TMC5: variants seen among roughly 807,000 people sequenced by gnomAD.
TMC5 encodes the protein transmembrane channel like 5.
Under a neutral mutation model 110.5 loss-of-function variants are expected in TMC5, and 86 were observed. The observed-to-expected ratio is 0.78, with a 90% CI of 0.65 to 0.93. TMC5 has a LOEUF of 0.93. TMC5 is among the 40% of genes least tolerant of loss of function. The pLI, the probability that TMC5 is intolerant of heterozygous loss-of-function variation, is 0.00. For missense variants in TMC5, 1,144 were observed against 1,222.8 expected (o/e 0.94, Z 0.96); for synonymous variants, 455 against 439.5 (o/e 1.04, Z -0.44).
intron 1 of TMC5, among the ~76,000 whole-genome samples, chr16:19,429,836 C>T (rs577449811): frequency 1.7e-4 from 26 of 152,188 alleles, no homozygotes; most frequent in East Asian, 9.6e-4. Flanking sequence ...ACTGGGATTA[C>T]GGCGGGAATC....
intron 2 of TMC5, among the ~76,000 whole-genome samples, chr16:19,433,124 G>A (rs1384547598): frequency 6.6e-6 from 1 of 152,190 alleles, no homozygotes; most frequent in East Asian, 1.9e-4. Flanking sequence ...AGTCAGGCTA[G>A]TCTAAACTCT....
upstream of TMC5, among the ~76,000 whole-genome samples, chr16:19,416,216 A>T (rs1966876506): frequency 6.6e-6 from 1 of 151,874 alleles, no homozygotes; most frequent in South Asian, 2.1e-4. Context: ...AGGAACGGTA[A>T]CTATAGACCC....
In TMC5 at chr16:19,481,385, A is replaced by G. The variant is rs144966031; in HGVS notation, c.2283A>G (p.Gln761=). The part of the protein sequence containing the change: ...GEFLRRIIGM[Q]LITSLGLQEF... ...GTTTTCACAGAATCATTGGGATGCA[A>G]CTGATCACAAGTCTTGGCCTTCAGG... Residue 761 remains glutamine (Q), a synonymous_variant, in exon 15 of 22, where the codon CAA becomes CAG. Transcript: ENST00000542583. 6.2e-6 allele frequency: 10 copies of G among 1,613,382 alleles called. No homozygotes were observed. The African/African-American group carries it at 8.0e-5, about 13-fold the overall frequency.
At chr16:19,490,998 C>CCTTT (rs1247375526) in intron 18 of TMC5, among the ~76,000 whole-genome samples, 1 of 124,442 alleles carries the variant, frequency 8.0e-6, no homozygotes, top group Non-Finnish European at 1.7e-5. Context: ...TTCCTTCCTT[C>CCTTT]CTTCCTTACT....
rs148963920 is a variant in TMC5, at chr16:19,447,976, G to A, written c.959-1566G>A. 1.9e-3 allele frequency among the ~76,000 whole-genome samples: 285 copies of A among 152,094 alleles called. 2 individuals carry two copies. The highest frequency in any genetic ancestry group is 1.8e-3 in the Non-Finnish European group (120 of 67,998). The stretch of plus-strand genomic sequence containing the variant: ...GATTCCCAGGCAAGAAGCTCCAGAA[G>A]GTCTTGCAATGTAATTTTGCATATT... On this transcript the variant is annotated intron_variant, in intron 4 of 21. Coordinates refer to ENST00000542583, the MANE Select transcript of TMC5 (RefSeq NM_001261841.2).
At chr16:19,422,304 G>T (rs1422830694) in intron 1 of TMC5, among the ~76,000 whole-genome samples, 1 of 152,014 alleles carries the variant, frequency 6.6e-6, no homozygotes, top group Non-Finnish European at 1.5e-5. Context: ...GGGGAAAAGA[G>T]AGAGAGAAAG....
chr16:19,497,359 C>G (rs954303501), intron 21 of TMC5, among the ~76,000 whole-genome samples, 196 bp downstream of exon 21: 4 of 152,196 alleles, frequency 2.6e-5, no homozygotes, highest in Admixed American at 2.6e-4. Flanking sequence ...TCACCAGAAC[C>G]CGGTTTCTTT....
chr16:19,471,145 G>A (rs954387389), intron 10 of TMC5, among the ~76,000 whole-genome samples: 5 of 152,042 alleles, frequency 3.3e-5, no homozygotes, highest in African/African-American at 1.2e-4. Context: ...CTGGAGTGCA[G>A]TGGTGCAATC....
intron 18 of TMC5, among the ~76,000 whole-genome samples, chr16:19,491,767 C>T (rs1050124843): frequency 1.3e-5 from 2 of 152,094 alleles, no homozygotes; most frequent in South Asian, 4.1e-4. Flanking sequence ...GATCTCCTGA[C>T]CTCAAGTGAT....
chr16:19,428,482 C>T (rs1232735160), intron 1 of TMC5, among the ~76,000 whole-genome samples: 1 of 151,990 alleles, frequency 6.6e-6, no homozygotes, highest in African/African-American at 2.4e-5. Context: ...CCCCAATTCT[C>T]ATTTAAAAAA....
At chr16:19,434,116 TA>T (rs1967263080) in intron 2 of TMC5, among the ~76,000 whole-genome samples, 1 of 117,370 alleles carries the variant, frequency 8.5e-6, no homozygotes, top group African/African-American at 3.3e-5. Flanking sequence ...ATTATATATA[TA>T]TCTATATATC....
In TMC5 at chr16:19,418,003, A is replaced by G. The variant is rs1966896274; in HGVS notation, c.-397A>G. Reference sequence around the variant, plus strand: ...GATGGGCCTTACCGGTTAGTTAAGAAAAAAAGAGGACCTGTTGCCTGTCCC... The same window carrying G: ...GATGGGCCTTACCGGTTAGTTAAGAGAAAAAGAGGACCTGTTGCCTGTCCC... On this transcript the variant is annotated 5_prime_UTR_variant, in exon 1 of 22. Transcript: ENST00000542583. The G allele has an allele frequency of 6.6e-6, 1 of 152,198 alleles. No homozygotes were observed. Among genetic ancestry groups the G allele is most frequent in the Non-Finnish European group, 1.5e-5 (1 of 68,048 alleles). 9.4% of individuals were successfully genotyped at this position (152,198 alleles called of 1,614,324 possible).
intron 19 of TMC5, 34 bp from the exon 20 acceptor site, chr16:19,494,228 T>G (rs374650720): frequency 6.5e-5 from 99 of 1,522,290 alleles, no homozygotes; most frequent in Non-Finnish European, 8.4e-5. Context: ...TTCATATTTT[T>G]GTTTCTTTCT....
At position 19,426,370 on chromosome 16, in the gene TMC5, G is replaced by T. The variant is rs149794723; in HGVS notation, c.-307-4043G>T. ...CCCAGACCCGGTGGTAGAGAATAGG[G>T]AGGATCCCTAGCCAAAGGGAGCATT... On this transcript the variant is annotated intron_variant, in intron 1 of 21. Coordinates refer to ENST00000542583, the MANE Select transcript of TMC5 (RefSeq NM_001261841.2). Among the ~76,000 whole-genome samples the T allele has an allele frequency of 5.9e-3, 899 of 152,328 alleles. 13 individuals are homozygous for T. The highest frequency in any genetic ancestry group is 0.021 in the African/African-American group (864 of 41,572).
intron 17 of TMC5, among the ~76,000 whole-genome samples, chr16:19,489,586 G>C (rs932808540): frequency 6.6e-6 from 1 of 151,156 alleles, no homozygotes; most frequent in African/African-American, 2.4e-5. Context: ...CACCCGCCTC[G>C]GCCTCCCAAA....
intron 6 of TMC5, among the ~76,000 whole-genome samples, chr16:19,461,054 G>C (rs566283471): frequency 6.6e-6 from 1 of 152,292 alleles, no homozygotes; most frequent in South Asian, 2.1e-4. Context: ...TCCTGGACGA[G>C]ATCCTGGAAT....
Position 19,495,594 on chromosome 16 carries a change from C to T in TMC5, c.2931+1228C>T, listed in dbSNP as rs562851867. ...CAATTATTTTTTGTGCGTTTATAATCGCAGCTACTCAGGAGGCTGAGGTGG... is the reference window on the plus strand; with the variant it reads ...CAATTATTTTTTGTGCGTTTATAATTGCAGCTACTCAGGAGGCTGAGGTGG... On this transcript the variant is annotated intron_variant, in intron 20 of 21. Coordinates refer to ENST00000542583, the MANE Select transcript of TMC5 (RefSeq NM_001261841.2). Among the ~76,000 whole-genome samples the T allele has an allele frequency of 3.9e-5, 6 of 152,058 alleles. No individual in the cohort carries two copies. The South Asian group carries it at 6.2e-4, about 16-fold the overall frequency.
intron 2 of TMC5, among the ~76,000 whole-genome samples, chr16:19,433,069 T>A (rs1331346136): frequency 1.3e-5 from 2 of 152,172 alleles, no homozygotes; most frequent in Non-Finnish European, 2.9e-5. Context: ...TACATATATA[T>A]AAATTTGTCA....
At chr16:19,439,044 T>G (rs749218617) in intron 2 of TMC5, among the ~76,000 whole-genome samples, 43 of 152,242 alleles carry the variant, frequency 2.8e-4, no homozygotes, top group Admixed American at 1.3e-3. Context: ...GAACACAGTT[T>G]GAACAATTGG....
Sources: gnomAD v4.1 joint callset for allele counts (sites outside exome capture counted in the v4.1 genomes callset) on GRCh38, gnomAD v4.1.1 for gene constraint, MANE v1.5 for transcripts, NCBI Gene and HGNC (gene_info 2026-07-23, HGNC 2026-07-21) for gene names.